Variants in PRRC2B observed in about 807,000 individuals in gnomAD.
PRRC2B encodes proline rich coiled-coil 2B, also known as protein PRRC2B.
In PRRC2B, 68 loss-of-function variants were observed where a neutral mutation model predicts 242.3. The observed-to-expected ratio is 0.28, with a 90% CI of 0.23 to 0.34. The LOEUF (loss-of-function observed/expected upper bound fraction) is 0.34, where lower values mean the gene tolerates loss of function less well. Among genes scored for constraint, PRRC2B ranks in the 10% least tolerant of loss-of-function variants. PRRC2B has a pLI of 1.00. For synonymous variants in PRRC2B, 1,228 were observed against 1,173.6 expected, an observed-to-expected ratio of 1.05 and a Z score of -0.95; for missense variants, 2,835 against 2,954.8, an observed-to-expected ratio of 0.96 and a Z score of 0.94.
intron 23 of PRRC2B, among the ~76,000 whole-genome samples, 190 bp downstream of exon 23, chr9:131,483,635 AGTTCCTAAGGGCTG>A (rs1943935069): frequency 6.6e-6 from 1 of 152,220 alleles, no homozygotes; most frequent in South Asian, 2.1e-4. Flanking sequence ...GGGATCATAC[AGTTCCTAAGGGCTG>A]GTTTATTTGG....
In PRRC2B at chr9:131,491,523, C is replaced by T. The variant is rs773102072; in HGVS notation, c.6324C>T (p.Ala2108=). The T allele has an allele frequency of 9.9e-6, 16 of 1,612,290 alleles. No individual in the cohort carries two copies. In the East Asian group the frequency reaches 1.8e-4, roughly 18 times the overall value. ...LPPGQSLSVG[A]PRRIPPPGSQ... is the part of the protein sequence containing the mutation. Reference sequence around the variant, plus strand: ...CTGGGCAGAGCCTCTCCGTTGGGGCCCCCCGAAGGATTCCTCCGCCCGGGT... The same window carrying T: ...CTGGGCAGAGCCTCTCCGTTGGGGCTCCCCGAAGGATTCCTCCGCCCGGGT... Residue 2108 remains alanine (A), a synonymous_variant, in exon 29 of 32, where the codon GCC becomes GCT. Coordinates refer to ENST00000683519, the MANE Select transcript of PRRC2B (RefSeq NM_013318.4).
chr9:131,395,926 T>C (rs1837040994), intron 1 of PRRC2B, among the ~76,000 whole-genome samples: 1 of 152,208 alleles, frequency 6.6e-6, no homozygotes, highest in African/African-American at 2.4e-5. Flanking sequence ...GAGTCCTGCC[T>C]TCTGAGGATA....
intron 1 of PRRC2B, among the ~76,000 whole-genome samples, chr9:131,375,276 G>A (rs1294883721): frequency 6.6e-6 from 1 of 152,108 alleles, no homozygotes; most frequent in East Asian, 1.9e-4. Flanking sequence ...GTGCATACCT[G>A]TAATCCCAGC....
chr9:131,395,611 G>C (rs1229587499), intron 1 of PRRC2B, among the ~76,000 whole-genome samples: 1 of 152,198 alleles, frequency 6.6e-6, no homozygotes, highest in Non-Finnish European at 1.5e-5. Flanking sequence ...TTCCTCCTAC[G>C]GTTGTTGGTA....
chr9:131,449,190 ATACTT>A (rs1403703024), intron 9 of PRRC2B, among the ~76,000 whole-genome samples: 2 of 152,218 alleles, frequency 1.3e-5, no homozygotes, highest in Non-Finnish European at 2.9e-5. Context: ...TATATACATC[ATACTT>A]CTATTTCTCT....
chr9:131,465,468 G>A (rs755763439), intron 12 of PRRC2B, among the ~76,000 whole-genome samples: 1 of 152,114 alleles, frequency 6.6e-6, no homozygotes, highest in Non-Finnish European at 1.5e-5. Flanking sequence ...CTTCATCTGT[G>A]AAATGGGATG....
At chr9:131,430,332 C>G (rs984409516) in intron 2 of PRRC2B, 73 bp downstream of exon 2, 2 of 916,616 alleles carry the variant, frequency 2.2e-6, no homozygotes, top group African/African-American at 3.3e-5. Context: ...CAGAGTCCCT[C>G]ACCTGGTTAG....
intron 1 of PRRC2B, among the ~76,000 whole-genome samples, chr9:131,398,211 C>G (rs1837121837): frequency 6.6e-6 from 1 of 152,232 alleles, no homozygotes; most frequent in Non-Finnish European, 1.5e-5. Flanking sequence ...GGCGATATTA[C>G]TGTTTATACC....
In PRRC2B at chr9:131,478,516, G is replaced by A; in HGVS notation, c.4655G>A (p.Ser1552Asn). The change falls in exon 18 of 32, where the codon AGT (serine) becomes AAT (asparagine). Residue 1552 changes from serine (S) to asparagine (N), a missense_variant. Ser to Asn is a conservative substitution (Grantham distance 46). Coordinates refer to ENST00000683519, the MANE Select transcript of PRRC2B (RefSeq NM_013318.4). ...ENCGSSPGEE[S>N]EVGSMVGEGF... The stretch of plus-strand genomic sequence containing the variant: ...TGCGGGTCCAGCCCCGGGGAGGAGA[G>A]TGAGGTGGGTTCTATGGTGGGCGAA... 2 of 1,613,528 alleles carry A rather than the reference G, an allele frequency of 1.2e-6. No individual in the cohort carries two copies. Among genetic ancestry groups the A allele is most frequent in the Non-Finnish European group, 8.5e-7 (1 of 1,179,644 alleles).
chr9:131,483,159 C>G (rs529914056), intron 22 of PRRC2B, among the ~76,000 whole-genome samples, 200 bp from the exon 23 acceptor site: 21 of 152,262 alleles, frequency 1.4e-4, no homozygotes, highest in African/African-American at 5.1e-4. Context: ...ACCCAAGGGA[C>G]AGGGAGAAAG....
In PRRC2B at chr9:131,494,378, C is replaced by T; in HGVS notation, c.6474-27C>T. The T allele has an allele frequency of 1.5e-6, 2 of 1,355,690 alleles. No homozygotes were observed. Among genetic ancestry groups the T allele is most frequent in the Non-Finnish European group, 2.1e-6 (2 of 964,492 alleles). The allele number at this position is 1,355,690 out of a possible 1,614,324, so 84.0% of individuals were successfully genotyped here. A position where few individuals can be genotyped will look rare whatever the true frequency, so the allele number is the denominator to read the frequency against. ...TTTCTGTGGTGACACGTTGTGTATT[C>T]TCAACCCCTGCCTTTGGTTTTTTCA... On this transcript the variant is annotated intron_variant, in intron 30 of 31. Coordinates refer to ENST00000683519, the MANE Select transcript of PRRC2B (RefSeq NM_013318.4). The surrounding 1 kb of genome is among the most constrained non-coding windows in gnomAD (Gnocchi z 4.3).
chr9:131,394,141 G>C lies in PRRC2B; in HGVS notation c.-174G>C, dbSNP rs1836971738. 1 of 149,206 alleles carries C rather than the reference G, an allele frequency of 6.7e-6. No individual in the cohort carries two copies. Among genetic ancestry groups the C allele is most frequent in the South Asian group, 1.8e-4 (1 of 5,654 alleles). 9.2% of individuals were successfully genotyped at this position (149,206 alleles called of 1,614,324 possible). ...GACGAGCGAGCCCGGGAGGAGGGAG[G>C]GAGCGAGCGAGCGAGCAGCCCGCGC... On this transcript the variant is annotated 5_prime_UTR_variant, in exon 1 of 32. Coordinates refer to ENST00000683519, the MANE Select transcript of PRRC2B (RefSeq NM_013318.4).
At chr9:131,481,040 G>C (rs1389346928) in intron 19 of PRRC2B, among the ~76,000 whole-genome samples, 3 of 151,628 alleles carry the variant, frequency 2.0e-5, no homozygotes, top group African/African-American at 7.3e-5. Context: ...GGTGGCTCAC[G>C]TCTGTAATCC....
Position 131,496,101 on chromosome 9 carries a change from A to C in PRRC2B, c.*227A>C, listed in dbSNP as rs1428432309. 4 of 554,216 alleles carry C rather than the reference A, an allele frequency of 7.2e-6. No homozygotes were observed. In the African/African-American group the frequency reaches 7.6e-5, roughly 10 times the overall value. 34.3% of individuals were successfully genotyped at this position (554,216 alleles called of 1,614,324 possible). A position where few individuals can be genotyped will look rare whatever the true frequency, so the allele number is the denominator to read the frequency against. On this transcript the variant is annotated 3_prime_UTR_variant, in exon 32 of 32. Coordinates refer to ENST00000683519, the MANE Select transcript of PRRC2B (RefSeq NM_013318.4). The stretch of plus-strand genomic sequence containing the variant: ...TTGATACGAAACAAAAAAGCAGACG[A>C]CTCCTTCATCCCATCTGCTCCTACC...
intron 1 of PRRC2B, among the ~76,000 whole-genome samples, chr9:131,379,869 C>G (rs2131262889): frequency 6.6e-6 from 1 of 151,786 alleles, no homozygotes; most frequent in Admixed American, 6.6e-5. Flanking sequence ...CGTGATCCAC[C>G]CGCCTCAGCC....
Position 131,477,870 on chromosome 9 carries a change from A to G in PRRC2B, c.4533A>G (p.Ala1511=), listed in dbSNP as rs759570741. 2.5e-6 allele frequency: 4 copies of G among 1,614,034 alleles called. No individual in the cohort carries two copies. The highest frequency in any genetic ancestry group is 3.4e-6 in the Non-Finnish European group (4 of 1,179,890). ...TTCCCGAAGCCTCCAGTAAAAAGGC[A>G]GAGAAGGAGGCCAAGTTGGCTGCTC... is the stretch of plus-strand genomic sequence containing the variant. ...ADLPEASSKK[A]EKEAKLAAPR... is the part of the protein sequence containing the mutation. The change falls in exon 17 of 32, where the codon GCA becomes GCG. Residue 1511 remains alanine (A), a synonymous_variant. Coordinates refer to ENST00000683519, the MANE Select transcript of PRRC2B (RefSeq NM_013318.4).
intron 1 of PRRC2B, among the ~76,000 whole-genome samples, chr9:131,387,765 A>G (rs1836844248): frequency 6.7e-6 from 1 of 150,368 alleles, no homozygotes; most frequent in Admixed American, 6.9e-5. Flanking sequence ...GGCATGTGCT[A>G]TAAAGTATAA....
At chr9:131,485,904 G>A (rs1944009008) in intron 25 of PRRC2B, among the ~76,000 whole-genome samples, 181 bp from the exon 26 acceptor site, 1 of 152,182 alleles carries the variant, frequency 6.6e-6, no homozygotes. Context: ...GTGCGTGCCA[G>A]GCGTGTTGTG....
At chr9:131,414,721 C>T (rs940113222) in intron 1 of PRRC2B, among the ~76,000 whole-genome samples, 1 of 151,870 alleles carries the variant, frequency 6.6e-6, no homozygotes, top group Non-Finnish European at 1.5e-5. Context: ...AGGTGCCTGC[C>T]ACCACGCCCA....
Sources: allele counts gnomAD v4.1 joint callset (sites outside exome capture counted in the v4.1 genomes callset), GRCh38; gene constraint gnomAD v4.1.1; non-coding constraint Gnocchi (gnomAD v3.1); transcripts MANE v1.5; gene names NCBI Gene and HGNC (gene_info 2026-07-23, HGNC 2026-07-21).